The following DOCK9 variants were observed in gnomAD, a reference collection of about 807,000 sequenced individuals.
The protein encoded by DOCK9 is dedicator of cytokinesis 9.
Under a neutral mutation model 263.3 loss-of-function variants are expected in DOCK9, and 89 were observed. That is an observed-to-expected ratio of 0.34 (90% CI 0.28 to 0.40). The LOEUF (loss-of-function observed/expected upper bound fraction) is 0.40. DOCK9 is among the 10% of genes least tolerant of loss of function. DOCK9 has a pLI of 1.00. For synonymous variants in DOCK9, 976 were observed against 973.1 expected, an observed-to-expected ratio of 1.00 and a Z score of -0.06; for missense variants, 2,140 against 2,603.4, an observed-to-expected ratio of 0.82 and a Z score of 3.87.
chr13:99,015,683 A>G, intron 1 of DOCK9: 1 of 1,484,736 alleles, frequency 6.7e-7, no homozygotes, highest in Non-Finnish European at 8.9e-7. Flanking sequence ...CTCTTCCGAA[A>G]CAGGCTCCCA....
rs140337091 is a variant in DOCK9 at position 98,861,182 on chromosome 13, A to G, written c.3580-660T>C. ...GTACAGGGTGAGATAAGCGAGGTGC[A>G]CTTAGGATAGAGAGAGTTCATGCCC... On this transcript the variant is annotated intron_variant, in intron 32 of 52. Transcript: ENST00000682017. Among the ~76,000 whole-genome samples, 97 of 152,346 alleles carry G rather than the reference A, an allele frequency of 6.4e-4. 1 individual carries two copies. Among genetic ancestry groups the G allele is most frequent in the African/African-American group, 2.2e-3 (90 of 41,586 alleles).
intron 52 of DOCK9, among the ~76,000 whole-genome samples, chr13:98,795,847 C>G: frequency 6.6e-6 from 1 of 151,952 alleles, no homozygotes; most frequent in East Asian, 1.9e-4. Context: ...CAGCCTCCAC[C>G]TCCTGGGTTC....
intron 7 of DOCK9, among the ~76,000 whole-genome samples, chr13:98,916,535 C>G (rs2050919227): frequency 6.6e-6 from 1 of 152,190 alleles, no homozygotes; most frequent in African/African-American, 2.4e-5. Context: ...GGGCAACCCT[C>G]CCAAAAGTCT....
chr13:98,813,686 C>A (rs2091538141), intron 45 of DOCK9, among the ~76,000 whole-genome samples: 1 of 152,112 alleles, frequency 6.6e-6, no homozygotes, highest in African/African-American at 2.4e-5. Flanking sequence ...GTTGCCCAGG[C>A]TGGAGTGCGA....
chr13:98,947,270 T>C (rs1482820222), intron 2 of DOCK9, among the ~76,000 whole-genome samples: 2 of 152,176 alleles, frequency 1.3e-5, no homozygotes, highest in Admixed American at 6.5e-5. Context: ...ATCTTTATGA[T>C]TCCAAGCACC....
intron 45 of DOCK9, among the ~76,000 whole-genome samples, chr13:98,820,900 C>A (rs1218454314): frequency 1.3e-5 from 2 of 152,152 alleles, no homozygotes; most frequent in African/African-American, 2.4e-5. Flanking sequence ...AAGATGGAGT[C>A]AGTCTGGTTT....
chr13:98,887,075 A>C (rs1451873263), intron 18 of DOCK9, among the ~76,000 whole-genome samples: 1 of 145,958 alleles, frequency 6.9e-6, no homozygotes, highest in African/African-American at 2.5e-5. Context: ...CTTTTTCTCC[A>C]CGACTGTTTT....
intron 18 of DOCK9, among the ~76,000 whole-genome samples, chr13:98,887,615 CAAAAAAAAA>C (rs58976892): frequency 1.1e-4 from 4 of 37,218 alleles, no homozygotes; most frequent in East Asian, 1.1e-3. Context: ...GACTCCATCT[CAAAAAAAAA>C]AAAAAAAAAA....
intron 9 of DOCK9, among the ~76,000 whole-genome samples, chr13:98,913,205 C>T (rs1052801148): frequency 1.5e-4 from 23 of 152,100 alleles, no homozygotes; most frequent in African/African-American, 5.1e-4. Context: ...TATTTATAAT[C>T]CTATATAGAT....
At position 98,953,770 on chromosome 13, in the gene DOCK9, A is replaced by G. The variant is rs78978494; in HGVS notation, c.243+1665T>C. Among the ~76,000 whole-genome samples the G allele has an allele frequency of 6.6e-3, 1,011 of 152,332 alleles. 16 individuals are homozygous for G. Among genetic ancestry groups the G allele is most frequent in the South Asian group, 0.046 (223 of 4,824 alleles). On this transcript the variant is annotated intron_variant, in intron 2 of 52. Transcript: ENST00000682017. Reference sequence around the variant, plus strand: ...GGTTCTCATTTATTAGTCCGTTCCCATGCAGTTTAGTCATGAAATGAAGTA... The same window carrying G: ...GGTTCTCATTTATTAGTCCGTTCCCGTGCAGTTTAGTCATGAAATGAAGTA...
rs570685972 is a variant in DOCK9, at chr13:98,850,771, G to A, written c.3947-658C>T. On this transcript the variant is annotated intron_variant, in intron 35 of 52. Transcript: ENST00000682017. ...ACCTACAGGATAAGTTCTCTGAAGC[G>A]AAACAGCTGTACCCAATGGTATGTG... 7.9e-5 allele frequency among the ~76,000 whole-genome samples: 12 copies of A among 152,326 alleles called. 1 individual carries two copies. Among genetic ancestry groups the A allele is most frequent in the South Asian group, 6.2e-4 (3 of 4,824 alleles).
chr13:98,828,735 G>A (rs1226353251), intron 43 of DOCK9, among the ~76,000 whole-genome samples: 4 of 152,168 alleles, frequency 2.6e-5, no homozygotes, highest in African/African-American at 9.7e-5. Context: ...ATGTCATTGA[G>A]CAATAGAGGG....
In DOCK9 at chr13:99,005,068, T is replaced by C. The variant is rs576063730; in HGVS notation, c.130-49517A>G. On this transcript the variant is annotated intron_variant, in intron 1 of 32. Transcript: ENST00000427887. ...TTCTTTTGTTAGCAAAGACCGGATA[T>C]ACCAAAAAAAAAAAAAGAGTAGATT... Among the ~76,000 whole-genome samples the C allele has an allele frequency of 3.4e-5, 5 of 148,810 alleles. No individual in the cohort carries two copies. The East Asian group carries it at 9.8e-4, about 29-fold the overall frequency.
At chr13:98,925,740 T>C in intron 4 of DOCK9, 97 bp downstream of exon 4, 1 of 762,146 alleles carries the variant, frequency 1.3e-6, no homozygotes, top group Non-Finnish European at 2.0e-6. Flanking sequence ...AAAAATATTT[T>C]CCTCAATTAC....
In DOCK9 at chr13:98,888,645, G is replaced by A. The variant is rs58188442; in HGVS notation, c.1776C>T (p.Ser592=). ...ACTGACACTTACTAGGGAAGTCTGA[G>A]GAAACATTATCAATTGTAATGTCTA... is the stretch of plus-strand genomic sequence containing the variant. The part of the protein sequence containing the change: ...GNLDITIDNV[S]SDFPNYVNSS... Residue 592 remains serine, a synonymous_variant, in exon 16 of 53, where the codon TCC becomes TCT. Transcript: ENST00000682017. The A allele has an allele frequency of 2.5e-6, 4 of 1,613,632 alleles. No individual in the cohort carries two copies. The highest frequency in any genetic ancestry group is 1.6e-4 in the Middle Eastern group (1 of 6,084).
At chr13:99,008,038 C>T (rs1883657608) in intron 1 of DOCK9, among the ~76,000 whole-genome samples, 1 of 151,708 alleles carries the variant, frequency 6.6e-6, no homozygotes, top group African/African-American at 2.4e-5. Context: ...AGATATTTAT[C>T]ACAACATTTA....
intron 1 of DOCK9, among the ~76,000 whole-genome samples, chr13:98,968,932 T>G (rs1420124902): frequency 6.6e-6 from 1 of 152,222 alleles, no homozygotes; most frequent in East Asian, 1.9e-4. Flanking sequence ...CTGTATCTTG[T>G]GGATCTCCAC....
At chr13:98,845,620 T>G (rs2093365342) in intron 38 of DOCK9, among the ~76,000 whole-genome samples, 1 of 152,090 alleles carries the variant, frequency 6.6e-6, no homozygotes, top group Admixed American at 6.5e-5. Flanking sequence ...GAATCCAAAT[T>G]TTATGTTTAG....
At chr13:99,004,261 G>A (rs1277973346) in intron 1 of DOCK9, among the ~76,000 whole-genome samples, 1 of 152,130 alleles carries the variant, frequency 6.6e-6, no homozygotes, top group African/African-American at 2.4e-5. Context: ...CCCTGTAATT[G>A]GCAAACATCC....
Sources: gnomAD v4.1 joint callset for allele counts (sites outside exome capture counted in the v4.1 genomes callset) on GRCh38, gnomAD v4.1.1 for gene constraint, MANE v1.5 for transcripts, NCBI Gene and HGNC (gene_info 2026-07-23, HGNC 2026-07-21) for gene names.